NTM: variants seen among roughly 807,000 people sequenced by gnomAD.
The protein encoded by NTM is IgLON family member 2.
Under a neutral mutation model 42.1 loss-of-function variants are expected in NTM, and 13 were observed. The observed-to-expected ratio is 0.31, with a 90% CI of 0.20 to 0.49. The LOEUF is 0.49. NTM is among the 20% of genes least tolerant of loss of function. NTM has a pLI of 0.99. For missense variants in NTM, 373 were observed against 452.8 expected, an observed-to-expected ratio of 0.82 and a Z score of 1.60; for synonymous variants, 187 against 179.2, an observed-to-expected ratio of 1.04 and a Z score of -0.35.
intron 1 of NTM, among the ~76,000 whole-genome samples, chr11:131,729,872 T>C (rs957426115): frequency 4.6e-5 from 7 of 152,236 alleles, no homozygotes; most frequent in Non-Finnish European, 1.0e-4. Context: ...AGTTCTACTT[T>C]TTAGCTATCA....
At chr11:132,261,111 G>T (rs545720443) in intron 4 of NTM, among the ~76,000 whole-genome samples, 1 of 152,150 alleles carries the variant, frequency 6.6e-6, no homozygotes, top group Admixed American at 6.5e-5. Context: ...TCCATTTAGG[G>T]GTGGCTGGGT....
chr11:132,156,068 G>T lies in NTM; in HGVS notation c.400+9554G>T, dbSNP rs559736647. 2.2e-4 allele frequency among the ~76,000 whole-genome samples: 34 copies of T among 152,256 alleles called. No homozygotes were observed. The South Asian group carries it at 6.8e-3, about 31-fold the overall frequency. ...TCCCGACTGTTAGAATGAAAATAGCGATTCTGCCACACCCACTTTGCACCC... is the reference window on the plus strand; with the variant it reads ...TCCCGACTGTTAGAATGAAAATAGCTATTCTGCCACACCCACTTTGCACCC... On this transcript the variant is annotated intron_variant, in intron 3 of 8. Transcript: ENST00000683400.
chr11:132,122,524 G>A (rs987046204), intron 2 of NTM, among the ~76,000 whole-genome samples: 2 of 152,214 alleles, frequency 1.3e-5, no homozygotes, highest in African/African-American at 4.8e-5. Context: ...CTGAAGATGT[G>A]CCTCAACTAC....
At chr11:132,010,191 A>T (rs2071810278) in intron 2 of NTM, among the ~76,000 whole-genome samples, 1 of 152,214 alleles carries the variant, frequency 6.6e-6, no homozygotes, top group Non-Finnish European at 1.5e-5. Context: ...ATTTGGAACT[A>T]AGTGTTTCAG....
At chr11:132,238,116 A>G (rs1328718829) in intron 4 of NTM, among the ~76,000 whole-genome samples, 1 of 152,006 alleles carries the variant, frequency 6.6e-6, no homozygotes, top group African/African-American at 2.4e-5. Flanking sequence ...GCTGCAGTGC[A>G]CTCCACTAAA....
chr11:131,734,784 C>T (rs2080200390), intron 1 of NTM, among the ~76,000 whole-genome samples: 1 of 152,126 alleles, frequency 6.6e-6, no homozygotes, highest in South Asian at 2.1e-4. Context: ...GCAATATCCC[C>T]CTCTGCCACA....
intron 1 of NTM, among the ~76,000 whole-genome samples, chr11:131,635,916 C>T (rs1434623568): frequency 1.3e-5 from 2 of 152,144 alleles, no homozygotes; most frequent in Admixed American, 1.3e-4. Flanking sequence ...TGAATATTTG[C>T]CATTATGTTA....
chr11:131,841,948 G>C (rs1335786696), intron 1 of NTM, among the ~76,000 whole-genome samples: 2 of 152,200 alleles, frequency 1.3e-5, no homozygotes, highest in East Asian at 3.9e-4. Flanking sequence ...CAGCCATTAG[G>C]CAGGAGCCAC....
rs552774472 is a variant in NTM at position 131,433,972 on chromosome 11, G to A, written c.82+63084G>A. ...TATCCCCAACCCCACAATAGGCACC[G>A]GGGTGGTAGGTTCCCCGCCCTGTTT... On this transcript the variant is annotated intron_variant, in intron 1 of 8. Coordinates refer to ENST00000683400, the MANE Select transcript of NTM (RefSeq NM_001352005.2). Among the ~76,000 whole-genome samples, 5 of 152,170 alleles carry A rather than the reference G, an allele frequency of 3.3e-5. No individual in the cohort carries two copies. In the South Asian group the frequency reaches 6.2e-4, roughly 19 times the overall value.
chr11:131,660,860 G>A (rs1290082835), intron 1 of NTM: 1 of 1,232,518 alleles, frequency 8.1e-7, no homozygotes, highest in Non-Finnish European at 1.0e-6. Flanking sequence ...AAAGTCGGAA[G>A]CTGGCCTTGA....
chr11:132,130,536 A>C (rs2066628207), intron 2 of NTM, among the ~76,000 whole-genome samples: 1 of 152,146 alleles, frequency 6.6e-6, no homozygotes, highest in Admixed American at 6.5e-5. Context: ...CTTTGCACTT[A>C]CACCTTTCTT....
intron 2 of NTM, among the ~76,000 whole-genome samples, chr11:132,101,556 T>G (rs9630203): frequency 0.017 from 2,256 of 131,050 alleles, 48 homozygotes; most frequent in African/African-American, 0.049. Context: ...GAACACAACC[T>G]TGTGTGTGTG....
At chr11:132,138,231 T>C (rs906955394) in intron 2 of NTM, among the ~76,000 whole-genome samples, 5 of 152,048 alleles carry the variant, frequency 3.3e-5, no homozygotes, top group African/African-American at 9.7e-5. Context: ...GTTCCACATA[T>C]GACAAAAAGA....
In NTM at chr11:131,919,914, GT is replaced by G. The variant is rs549145895; in HGVS notation, c.167+8273del. On this transcript the variant is annotated intron_variant, in intron 2 of 8. Coordinates refer to ENST00000683400, the MANE Select transcript of NTM (RefSeq NM_001352005.2). ...CCCCTTTGTCCACCTATAATTGTGA[GT>G]TTTTTTGTGGTGCCTCTCCTACACA... Among the ~76,000 whole-genome samples, 163 of 152,220 alleles carry G rather than the reference GT, an allele frequency of 1.1e-3. 1 individual carries two copies. Among genetic ancestry groups the G allele is most frequent in the African/African-American group, 3.6e-3 (150 of 41,540 alleles).
chr11:132,104,226 G>A (rs546832731), intron 2 of NTM, among the ~76,000 whole-genome samples: 1 of 152,192 alleles, frequency 6.6e-6, no homozygotes, highest in African/African-American at 2.4e-5. Flanking sequence ...ATCTGTTATG[G>A]TGCATGCAAC....
intron 1 of NTM, among the ~76,000 whole-genome samples, chr11:131,445,531 G>T (rs1331589406): frequency 6.6e-6 from 1 of 152,192 alleles, no homozygotes; most frequent in Non-Finnish European, 1.5e-5. Context: ...ACCTTGTGGG[G>T]TGTGACAGAT....
chr11:131,408,060 G>A (rs1353487965), intron 1 of NTM, among the ~76,000 whole-genome samples: 2 of 152,186 alleles, frequency 1.3e-5, no homozygotes, highest in African/African-American at 2.4e-5. Context: ...AAGTGTTTAG[G>A]ATTAATGTGC....
chr11:131,371,183 A>T, intron 1 of NTM: 16 of 758,338 alleles, frequency 2.1e-5, no homozygotes, highest in Non-Finnish European at 2.6e-5. Flanking sequence ...ATTCTTGCAC[A>T]CATACACAAC....
At chr11:132,213,296 G>A (rs2083209172) in intron 4 of NTM, among the ~76,000 whole-genome samples, 1 of 152,192 alleles carries the variant, frequency 6.6e-6, no homozygotes, top group Non-Finnish European at 1.5e-5. Flanking sequence ...GCTGGCTTGT[G>A]CAGTAGGACA....
Sources: allele counts gnomAD v4.1 joint callset (sites outside exome capture counted in the v4.1 genomes callset), GRCh38; gene constraint gnomAD v4.1.1; transcripts MANE v1.5; gene names NCBI Gene and HGNC (gene_info 2026-07-23, HGNC 2026-07-21).